CHST3: variants seen among roughly 807,000 people sequenced by gnomAD.
The protein encoded by CHST3 is carbohydrate sulfotransferase 3, also known as C6ST-1.
Under a neutral mutation model 35.4 loss-of-function variants are expected in CHST3, and 20 were observed. The observed-to-expected ratio is 0.57, with a 90% CI of 0.40 to 0.82. CHST3 has a LOEUF of 0.82. CHST3 is among the 40% of genes least tolerant of loss of function. The pLI is 0.00. For missense variants in CHST3, 693 were observed against 670.1 expected, an observed-to-expected ratio of 1.03 and a Z score of -0.38; for synonymous variants, 334 against 295.9, an observed-to-expected ratio of 1.13 and a Z score of -1.32.
At chr10:71,967,426 C>T (rs1276892197) in intron 1 of CHST3, among the ~76,000 whole-genome samples, 1 of 152,164 alleles carries the variant, frequency 6.6e-6, no homozygotes, top group Non-Finnish European at 1.5e-5. Context: ...GCATGGGGCA[C>T]TTGATTTTCT....
intron 1 of CHST3, among the ~76,000 whole-genome samples, chr10:72,004,026 A>G (rs1030529209): frequency 5.9e-5 from 9 of 151,862 alleles, no homozygotes; most frequent in South Asian, 4.2e-4. Context: ...AAATACAAAA[A>G]TTAGCTGGGC....
chr10:72,007,708 G>T lies in CHST3; in HGVS notation c.677G>T (p.Arg226Leu), dbSNP rs1287871626. 4 of 1,606,348 alleles carry T rather than the reference G, an allele frequency of 2.5e-6. No individual in the cohort carries two copies. Among genetic ancestry groups the T allele is most frequent in the East Asian group, 2.2e-5 (1 of 44,850 alleles). The change falls in exon 3 of 3, where the codon CGC (arginine) becomes CTC (leucine). Residue 226 changes from arginine (R) to leucine (L), a missense_variant. Arg to Leu is a moderately radical substitution (Grantham distance 102). Coordinates refer to ENST00000373115, the MANE Select transcript of CHST3 (RefSeq NM_004273.5). ...TTCATGTTCCGCCGGGGCTCCAGCC[G>T]CTCCCTGTGCGAGGACCCCGTCTGT... ...TQFMFRRGSS[R>L]SLCEDPVCTP...
intron 1 of CHST3, among the ~76,000 whole-genome samples, chr10:71,994,751 C>T (rs1384370461): frequency 6.6e-6 from 1 of 152,206 alleles, no homozygotes; most frequent in African/African-American, 2.4e-5. Context: ...TGGTCTACAT[C>T]GAAAACCTGT....
intron 1 of CHST3, among the ~76,000 whole-genome samples, chr10:71,970,744 T>C (rs906001271): frequency 6.6e-6 from 1 of 152,224 alleles, no homozygotes; most frequent in Non-Finnish European, 1.5e-5. Context: ...TGCAGAATGA[T>C]GAGACTTTTC....
chr10:71,968,765 G>A (rs866386507), intron 1 of CHST3, among the ~76,000 whole-genome samples: 2 of 152,318 alleles, frequency 1.3e-5, no homozygotes, highest in South Asian at 4.1e-4. Context: ...CCAGGCTGCT[G>A]GAGCCTTCTG....
intron 1 of CHST3, among the ~76,000 whole-genome samples, chr10:71,980,874 C>T (rs1255780858): frequency 1.3e-5 from 2 of 152,178 alleles, no homozygotes; most frequent in African/African-American, 4.8e-5. Context: ...TTTAACACCA[C>T]CCTCCTAAAA....
chr10:72,006,098 C>A, intron 2 of CHST3, 116 bp downstream of exon 2: 5 of 1,322,554 alleles, frequency 3.8e-6, no homozygotes, highest in Non-Finnish European at 5.4e-6. Flanking sequence ...ACGAGCCATC[C>A]CCAGGCCCCT....
intron 1 of CHST3, among the ~76,000 whole-genome samples, chr10:71,999,616 G>C (rs562599790): frequency 6.6e-6 from 1 of 152,244 alleles, no homozygotes; most frequent in Non-Finnish European, 1.5e-5. Flanking sequence ...CTGATGCAAT[G>C]TCTGGCAGGG....
At chr10:72,006,130 C>T (rs1840036829) in intron 2 of CHST3, 148 bp downstream of exon 2, 1 of 1,012,906 alleles carries the variant, frequency 9.9e-7, no homozygotes, top group Non-Finnish European at 1.5e-6. Flanking sequence ...GGCAGTGGCT[C>T]CTGCACACGT....
chr10:71,967,118 C>T (rs1461098989), intron 1 of CHST3, among the ~76,000 whole-genome samples: 1 of 152,116 alleles, frequency 6.6e-6, no homozygotes, highest in Non-Finnish European at 1.5e-5. Flanking sequence ...TCCTCCTGCC[C>T]CAGCCTCCCG....
chr10:71,981,548 C>T (rs144355776), intron 1 of CHST3, among the ~76,000 whole-genome samples: 153 of 152,306 alleles, frequency 1.0e-3, no homozygotes, highest in Non-Finnish European at 1.9e-3. Context: ...GGACTCCAGC[C>T]CCCCCAGGCA....
intron 1 of CHST3, among the ~76,000 whole-genome samples, chr10:72,003,657 C>T (rs186081960): frequency 1.0e-3 from 149 of 148,512 alleles, no homozygotes; most frequent in Non-Finnish European, 8.3e-4. Flanking sequence ...GCTGAGATTG[C>T]ACCACTGCAC....
intron 1 of CHST3, among the ~76,000 whole-genome samples, chr10:71,986,858 C>G (rs977060542): frequency 7.2e-5 from 11 of 152,202 alleles, no homozygotes; most frequent in African/African-American, 2.7e-4. Context: ...TTGTTCAGAC[C>G]AGCAATAATG....
At position 72,008,092 on chromosome 10, in the gene CHST3, T is replaced by G. The variant is rs1212510602; in HGVS notation, c.1061T>G (p.Leu354Arg). 6.5e-7 allele frequency: 1 copy of G among 1,545,224 alleles called. No individual in the cohort carries two copies. The highest frequency in any genetic ancestry group is 8.7e-7 in the Non-Finnish European group (1 of 1,143,890). ...NCESIRLSAE[L>R]GLRQPAWLRG... is the part of the protein sequence containing the mutation. ...GAGAGCATCCGCCTGTCCGCGGAGC[T>G]GGGGCTGCGGCAGCCCGCCTGGCTG... Residue 354 changes from leucine (L) to arginine (R), a missense_variant, in exon 3 of 3, where the codon CTG becomes CGG. By Grantham distance (102) the Leu-to-Arg change is moderately radical. Coordinates refer to ENST00000373115, the MANE Select transcript of CHST3 (RefSeq NM_004273.5).
intron 1 of CHST3, among the ~76,000 whole-genome samples, chr10:71,985,362 A>G (rs1010539961): frequency 1.3e-5 from 2 of 152,160 alleles, no homozygotes; most frequent in African/African-American, 4.8e-5. Flanking sequence ...ATATCATGCT[A>G]TTCCCTCCAG....
chr10:71,991,912 GCAACAAGAGCAAAACTC>G (rs1839900149), intron 1 of CHST3, among the ~76,000 whole-genome samples: 1 of 146,696 alleles, frequency 6.8e-6, no homozygotes, highest in African/African-American at 2.6e-5. Flanking sequence ...TCCAGCCTGG[GCAACAAGAGCAAAACTC>G]TGTCTGAAAA....
chr10:71,993,944 A>G (rs527627021), intron 1 of CHST3, among the ~76,000 whole-genome samples: 26 of 152,304 alleles, frequency 1.7e-4, no homozygotes, highest in Middle Eastern at 3.4e-3. Flanking sequence ...TGCTAAAAAT[A>G]CAAAAATTAG....
chr10:71,973,388 A>G (rs1839714503), intron 1 of CHST3, among the ~76,000 whole-genome samples: 1 of 152,194 alleles, frequency 6.6e-6, no homozygotes, highest in South Asian at 2.1e-4. Context: ...CCCCACCAGC[A>G]AGTGGAGAGC....
At position 72,013,310 on chromosome 10, in the gene CHST3, T is replaced by G. The variant is rs1007658723; in HGVS notation, c.*4839T>G. On this transcript the variant is annotated 3_prime_UTR_variant, in exon 3 of 3. Coordinates refer to ENST00000373115, the MANE Select transcript of CHST3 (RefSeq NM_004273.5). ...CATCCACGTGTGTGTATGTGTAGCA[T>G]GTAGCTCATTCTGCTCAGCCTCTGG... The G allele has an allele frequency of 6.6e-6, 1 of 152,228 alleles. No homozygotes were observed. The highest frequency in any genetic ancestry group is 1.9e-4 in the East Asian group (1 of 5,198). 9.4% of individuals were successfully genotyped at this position (152,228 alleles called of 1,614,324 possible).
Sources: allele counts gnomAD v4.1 joint callset (sites outside exome capture counted in the v4.1 genomes callset), GRCh38; gene constraint gnomAD v4.1.1; transcripts MANE v1.5; gene names NCBI Gene and HGNC (gene_info 2026-07-23, HGNC 2026-07-21).